The following CEP120 variants were observed in gnomAD, a reference collection of about 807,000 sequenced individuals.
CEP120 encodes centrosomal protein of 120 kDa.
A neutral mutation model predicts 126.5 loss-of-function variants in CEP120; 113 were observed. The observed-to-expected ratio is 0.89, with a 90% CI of 0.77 to 1.04. The LOEUF is 1.04. Ranked by LOEUF, CEP120 falls within the 50% of genes least tolerant of loss-of-function variation. The pLI, the probability that CEP120 is intolerant of heterozygous loss-of-function variation, is 0.00. For missense variants in CEP120, 1,230 were observed against 1,155.7 expected (o/e 1.06, Z -0.93); for synonymous variants, 400 against 394.3 (o/e 1.01, Z -0.17).
chr5:123,382,797 G>C lies in CEP120; in HGVS notation c.1953C>G (p.Tyr651Ter). 6.2e-7 allele frequency: 1 copy of C among 1,613,328 alleles called. No individual in the cohort carries two copies. Among genetic ancestry groups the C allele is most frequent in the Non-Finnish European group, 8.5e-7 (1 of 1,179,620 alleles). ...ACATTTCTAGCTCAAGTGCTGCTTT[G>C]TATTCTAACGTTTCACGAGGCTCTG... is the stretch of plus-strand genomic sequence containing the variant. The part of the protein sequence containing the change: ...IQTEPRETLE[Y>*]KAALELEMWK... Residue 651 changes from tyrosine (Y) to a stop codon, truncating the protein, a stop_gained, in exon 13 of 20, where the codon TAC becomes TAG. Transcript: ENST00000306467. LOFTEE classifies it high-confidence loss of function.
At position 123,345,197 on chromosome 5, in the gene CEP120, C is replaced by T. The variant is rs1020171308; in HGVS notation, c.*1322G>A. ...GCAAATTCCTGCTATGATTCAGATT[C>T]ATTATCCTCTCATTCAGTAATTTCT... On this transcript the variant is annotated 3_prime_UTR_variant, in exon 20 of 20. Coordinates refer to ENST00000306467, the MANE Select transcript of CEP120 (RefSeq NM_001375405.1). 21 of 152,056 alleles carry T rather than the reference C, an allele frequency of 1.4e-4. No individual in the cohort carries two copies. The highest frequency in any genetic ancestry group is 6.2e-4 in the South Asian group (3 of 4,824). 9.4% of individuals were successfully genotyped at this position (152,056 alleles called of 1,614,324 possible).
chr5:123,382,902 CCAA>C lies in CEP120; in HGVS notation c.1861-16_1861-14del. 1 of 1,610,304 alleles carries C rather than the reference CCAA, an allele frequency of 6.2e-7. No homozygotes were observed. Among genetic ancestry groups the C allele is most frequent in the East Asian group, 2.2e-5 (1 of 44,808 alleles). On this transcript the variant is annotated splice_polypyrimidine_tract_variant and intron_variant, in intron 12 of 19. Coordinates refer to ENST00000306467, the MANE Select transcript of CEP120 (RefSeq NM_001375405.1). ...CGGCAGATACACCCTAAGAGATGAA[CCAA>C]AAAGTACATTTAAACACTCACACAC...
intron 4 of CEP120, chr5:123,403,296 G>A (rs566446286): frequency 1.3e-5 from 6 of 456,038 alleles, no homozygotes; most frequent in South Asian, 9.3e-5. Context: ...GCTGAATCCA[G>A]AGCTGAGACA....
intron 18 of CEP120, among the ~76,000 whole-genome samples, chr5:123,361,404 C>A (rs1254263405): frequency 6.6e-6 from 1 of 151,762 alleles, no homozygotes; most frequent in East Asian, 1.9e-4. Flanking sequence ...TCCATAGCAG[C>A]CCATTGTGCA....
At chr5:123,362,207 T>G (rs1035418787) in intron 18 of CEP120, among the ~76,000 whole-genome samples, 1 of 151,730 alleles carries the variant, frequency 6.6e-6, no homozygotes, top group Non-Finnish European at 1.5e-5. Context: ...ATCACTTTAA[T>G]TCTCATTACC....
Position 123,418,484 on chromosome 5 carries a change from C to A in CEP120, c.81G>T (p.Met27Ile), listed in dbSNP as rs373814945. Reference sequence around the variant, plus strand: ...CATCAAACTTTGCTTCCACTACAAGCATATGCTTTGGACGTTTGGGGAAAT... The same window carrying A: ...CATCAAACTTTGCTTCCACTACAAGAATATGCTTTGGACGTTTGGGGAAAT... ...GRHFPKRPKH[M>I]LVVEAKFDGE... is the part of the protein sequence containing the mutation. Residue 27 changes from methionine (M) to isoleucine (I), a missense_variant, in exon 2 of 20, where the codon ATG becomes ATT. By Grantham distance (10) the Met-to-Ile change is conservative (BLOSUM62 1). Coordinates refer to ENST00000306467, the MANE Select transcript of CEP120 (RefSeq NM_001375405.1). The A allele has an allele frequency of 7.2e-5, 116 of 1,611,034 alleles. No homozygotes were observed. The highest frequency in any genetic ancestry group is 9.5e-5 in the Non-Finnish European group (112 of 1,177,978).
Position 123,382,720 on chromosome 5 carries a change from A to T in CEP120, c.2013+17T>A, listed in dbSNP as rs962837376. 5.6e-6 allele frequency: 9 copies of T among 1,602,424 alleles called. No individual in the cohort carries two copies. In the East Asian group the frequency reaches 2.0e-4, roughly 36 times the overall value. On this transcript the variant is annotated intron_variant, in intron 13 of 19. Coordinates refer to ENST00000306467, the MANE Select transcript of CEP120 (RefSeq NM_001375405.1). ...GCAGACAAAGCAGATTTTTTAAAGTAACATTTAAAAAGTAACCTGATTTTC... is the reference window on the plus strand; with the variant it reads ...GCAGACAAAGCAGATTTTTTAAAGTTACATTTAAAAAGTAACCTGATTTTC...
chr5:123,413,236 C>T (rs1580739480), intron 3 of CEP120, among the ~76,000 whole-genome samples: 1 of 151,600 alleles, frequency 6.6e-6, no homozygotes, highest in Non-Finnish European at 1.5e-5. Flanking sequence ...CACACCACTG[C>T]ACTCCAGCCT....
chr5:123,407,943 C>G (rs1009377123), intron 4 of CEP120, among the ~76,000 whole-genome samples: 3 of 151,922 alleles, frequency 2.0e-5, no homozygotes, highest in Non-Finnish European at 2.9e-5. Context: ...CAATATACTT[C>G]TAAATAACAC....
Position 123,382,841 on chromosome 5 carries a change from A to G in CEP120, c.1909T>C (p.Cys637Arg), listed in dbSNP as rs779171048. ...QKPSSLPPAP[C>R]PSEIQTEPRE... ...GGCTCTGTCTGGATCTCTGAAGGACAAGGTGCTGGAGGAAGAGAAGACGGC... is the reference window on the plus strand; with the variant it reads ...GGCTCTGTCTGGATCTCTGAAGGACGAGGTGCTGGAGGAAGAGAAGACGGC... The change falls in exon 13 of 20, where the codon TGT (cysteine) becomes CGT (arginine). Residue 637 changes from cysteine (C) to arginine (R), a missense_variant. Coordinates refer to ENST00000306467, the MANE Select transcript of CEP120 (RefSeq NM_001375405.1). 1 of 1,613,490 alleles carries G rather than the reference A, an allele frequency of 6.2e-7. No homozygotes were observed. Among genetic ancestry groups the G allele is most frequent in the Non-Finnish European group, 8.5e-7 (1 of 1,179,656 alleles).
Position 123,422,951 on chromosome 5 carries a change from T to C in CEP120, c.48A>G (p.Glu16=). The C allele has an allele frequency of 1.2e-6, 2 of 1,614,036 alleles. No individual in the cohort carries two copies. The highest frequency in any genetic ancestry group is 1.7e-6 in the Non-Finnish European group (2 of 1,179,928). Residue 16 remains glutamate (E), a splice_region_variant and synonymous_variant, in exon 1 of 20, where the codon GAA becomes GAG. Coordinates refer to ENST00000306467, the MANE Select transcript of CEP120 (RefSeq NM_001375405.1). ...DQLLIVVSIL[E]GRHFPKRPKH... ...AAAAGCAAGCCTCAGGCTGCTCACC[T>C]TCTAGGATGGACACGACGATGAGCA...
chr5:123,385,449 T>C (rs114833686), intron 10 of CEP120, among the ~76,000 whole-genome samples: 339 of 152,320 alleles, frequency 2.2e-3, no homozygotes, highest in African/African-American at 7.7e-3. Flanking sequence ...TCACATGCTG[T>C]GCAGGTTCGC....
chr5:123,357,562 CCA>C (rs1466350408), intron 18 of CEP120, among the ~76,000 whole-genome samples: 1 of 152,046 alleles, frequency 6.6e-6, no homozygotes, highest in African/African-American at 2.4e-5. Context: ...AACAGGCACT[CCA>C]CAGATGAAGA....
chr5:123,407,348 T>C (rs1343657147), intron 4 of CEP120, among the ~76,000 whole-genome samples: 2 of 152,124 alleles, frequency 1.3e-5, no homozygotes, highest in African/African-American at 2.4e-5. Flanking sequence ...GATCCAACTA[T>C]ATGTTGTTAT....
At position 123,422,807 on chromosome 5, in the gene CEP120, A is replaced by C. The variant is rs1384206304; in HGVS notation, c.49+143T>G. On this transcript the variant is annotated intron_variant, in intron 1 of 19. Transcript: ENST00000306467. ...TTAAATCAATTGCCTAACAGACCTC[A>C]CTACGTACAACTTTGAACAAGTCTG... The C allele has an allele frequency of 8.6e-6, 7 of 813,438 alleles. No individual in the cohort carries two copies. In the African/African-American group the frequency reaches 1.2e-4, roughly 14 times the overall value. 50.4% of individuals were successfully genotyped at this position (813,438 alleles called of 1,614,324 possible).
chr5:123,401,207 G>A (rs1158318227), intron 4 of CEP120: 19 of 1,612,632 alleles, frequency 1.2e-5, no homozygotes, highest in Non-Finnish European at 1.4e-5. Context: ...CCAGCCTGAC[G>A]TTCATCAGCT....
chr5:123,411,302 C>A (rs1489327153), intron 4 of CEP120, among the ~76,000 whole-genome samples: 2 of 152,154 alleles, frequency 1.3e-5, no homozygotes, highest in South Asian at 4.1e-4. Context: ...ATACTCTTAC[C>A]ACATGATCCA....
At position 123,382,054 on chromosome 5, in the gene CEP120, C is replaced by T. The variant is rs771278568; in HGVS notation, c.2103+57G>A. On this transcript the variant is annotated intron_variant, in intron 14 of 19. Coordinates refer to ENST00000306467, the MANE Select transcript of CEP120 (RefSeq NM_001375405.1). ...CCAGAGACTGTCTTTAACGCAAATACAAGATATTATCATTAATATTCTTCC... is the reference window on the plus strand; with the variant it reads ...CCAGAGACTGTCTTTAACGCAAATATAAGATATTATCATTAATATTCTTCC... 49 of 1,191,138 alleles carry T rather than the reference C, an allele frequency of 4.1e-5. No homozygotes were observed. The East Asian group carries it at 5.3e-4, about 13-fold the overall frequency. 73.8% of individuals were successfully genotyped at this position (1,191,138 alleles called of 1,614,324 possible). A position where few individuals can be genotyped will look rare whatever the true frequency, so the allele number is the denominator to read the frequency against.
chr5:123,388,332 G>A (rs1562050340), intron 9 of CEP120, 100 bp downstream of exon 9: 5 of 785,650 alleles, frequency 6.4e-6, no homozygotes, highest in Non-Finnish European at 9.4e-6. Context: ...TTTAACAAAT[G>A]TTATAACTTC....
Sources: gnomAD v4.1 joint callset for allele counts (sites outside exome capture counted in the v4.1 genomes callset) on GRCh38, gnomAD v4.1.1 for gene constraint, MANE v1.5 for transcripts, NCBI Gene and HGNC (gene_info 2026-07-23, HGNC 2026-07-21) for gene names.